ABAT: variants seen among roughly 807,000 people sequenced by gnomAD.
ABAT encodes 4-aminobutyrate aminotransferase, mitochondrial.
In ABAT, 45 loss-of-function variants were observed where a neutral mutation model predicts 64.6. That is an observed-to-expected ratio of 0.70 (90% confidence interval 0.55 to 0.89). The LOEUF is 0.89. ABAT is among the 40% of genes least tolerant of loss of function. ABAT has a pLI of 0.00. For missense variants in ABAT, 633 were observed against 658.4 expected (o/e 0.96, Z 0.42); for synonymous variants, 297 against 250.5 (o/e 1.19, Z -1.75).
At chr16:8,734,803 G>A (rs983434073) in intron 1 of ABAT, among the ~76,000 whole-genome samples, 1 of 152,012 alleles carries the variant, frequency 6.6e-6, no homozygotes, top group East Asian at 1.9e-4. Context: ...GACAGAAGGA[G>A]GCACACAAAA....
intron 1 of ABAT, among the ~76,000 whole-genome samples, chr16:8,679,914 C>A (rs1730952): frequency 0.59 from 89,039 of 151,818 alleles, 26,566 homozygotes; most frequent in East Asian, 0.77. Flanking sequence ...TCCTTGCTTT[C>A]TCTAGACACT....
rs373080930 is a variant in ABAT, at chr16:8,760,315, C to G, written c.366+2509C>G. The stretch of plus-strand genomic sequence containing the variant: ...TGACTCAGAGAGTAACATACTTATC[C>G]ACACATGACAAGGAACTTGATCCCA... On this transcript the variant is annotated intron_variant, in intron 6 of 15. Transcript: ENST00000268251. 4 of 152,316 alleles carry G rather than the reference C, an allele frequency of 2.6e-5. No homozygotes were observed. The South Asian group carries it at 8.3e-4, about 32-fold the overall frequency. The allele number at this position is 152,316 out of a possible 1,614,324, so 9.4% of individuals were successfully genotyped here. A position where few individuals can be genotyped will look rare whatever the true frequency, so the allele number is the denominator to read the frequency against.
At chr16:8,685,409 G>A (rs1478371203) in intron 1 of ABAT, among the ~76,000 whole-genome samples, 2 of 150,140 alleles carry the variant, frequency 1.3e-5, no homozygotes, top group South Asian at 2.1e-4. Flanking sequence ...GGTGGCTCTC[G>A]CCTGTAATCC....
chr16:8,730,294 G>A (rs746909191), intron 1 of ABAT, among the ~76,000 whole-genome samples: 10 of 152,056 alleles, frequency 6.6e-5, no homozygotes, highest in Admixed American at 2.0e-4. Context: ...TAGCACAAAT[G>A]CATCAATGGC....
At chr16:8,759,291 A>T (rs561171424) in intron 6 of ABAT, among the ~76,000 whole-genome samples, 10 of 152,206 alleles carry the variant, frequency 6.6e-5, no homozygotes, top group African/African-American at 2.4e-4. Context: ...ATGAAATTGA[A>T]ATAGAAAAAT....
intron 1 of ABAT, among the ~76,000 whole-genome samples, chr16:8,731,781 C>A (rs1352063765): frequency 6.6e-6 from 1 of 152,108 alleles, no homozygotes; most frequent in Non-Finnish European, 1.5e-5. Flanking sequence ...AACTGAAACT[C>A]CAAACACACT....
intron 12 of ABAT, 134 bp downstream of exon 12, chr16:8,773,051 CA>C (rs112721884): frequency 0.086 from 103,889 of 1,212,090 alleles, 6,663 homozygotes; most frequent in African/African-American, 0.28. Flanking sequence ...CTGTCAGCAT[CA>C]GGGGTGGAGA....
At chr16:8,739,775 A>G (rs1452704155) in intron 2 of ABAT, among the ~76,000 whole-genome samples, 3 of 151,884 alleles carry the variant, frequency 2.0e-5, no homozygotes, top group Non-Finnish European at 4.4e-5. Flanking sequence ...CAGAAAAAAT[A>G]GAAATGGCTA....
intron 1 of ABAT, among the ~76,000 whole-genome samples, chr16:8,683,822 T>C (rs35638621): frequency 0.59 from 88,961 of 151,564 alleles, 26,471 homozygotes; most frequent in East Asian, 0.77. Context: ...GCCTCCCTTT[T>C]GATGGCTTAT....
intron 1 of ABAT, among the ~76,000 whole-genome samples, chr16:8,712,014 G>C (rs963627784): frequency 6.7e-6 from 1 of 150,368 alleles, no homozygotes; most frequent in Admixed American, 6.7e-5. Context: ...TCGGGGGGGA[G>C]GGGCAGATCA....
intron 1 of ABAT, among the ~76,000 whole-genome samples, chr16:8,680,984 ATT>A (rs35351214): frequency 1.0e-4 from 15 of 145,574 alleles, no homozygotes; most frequent in Admixed American, 4.1e-4. Context: ...TTATTTATCT[ATT>A]TTTTTTTTTG....
intron 1 of ABAT, among the ~76,000 whole-genome samples, chr16:8,695,656 C>T (rs2057685951): frequency 6.6e-6 from 1 of 152,222 alleles, no homozygotes; most frequent in African/African-American, 2.4e-5. Flanking sequence ...AAGCCTAATC[C>T]ACCACAGGGC....
At position 8,781,270 on chromosome 16, in the gene ABAT, G is replaced by A. The variant is rs891198486; in HGVS notation, c.1382-39G>A. ...CCCAGCTCTCCCAGCATGTGACTTT[G>A]AGAAACCACGCTCCTCACCTACCTC... On this transcript the variant is annotated intron_variant, in intron 15 of 15. Transcript: ENST00000268251. This position sits in a 1 kb window ranked among gnomAD's most constrained non-coding sequence, Gnocchi z 4.5. 6.2e-6 allele frequency: 10 copies of A among 1,613,408 alleles called. No individual in the cohort carries two copies. Among genetic ancestry groups the A allele is most frequent in the Non-Finnish European group, 7.6e-6 (9 of 1,179,880 alleles).
At chr16:8,754,530 G>A (rs2059587625) in intron 5 of ABAT, among the ~76,000 whole-genome samples, 1 of 152,072 alleles carries the variant, frequency 6.6e-6, no homozygotes, top group Non-Finnish European at 1.5e-5. Flanking sequence ...ACCTTGTGGT[G>A]GAAATTCAGG....
chr16:8,725,678 T>C (rs540428846), intron 1 of ABAT, among the ~76,000 whole-genome samples: 1 of 152,342 alleles, frequency 6.6e-6, no homozygotes, highest in South Asian at 2.1e-4. Flanking sequence ...CTGCTATGTG[T>C]ATTTGTTTGA....
At chr16:8,714,506 T>C (rs1236774944) in intron 1 of ABAT, 1 of 152,234 alleles carries the variant, frequency 6.6e-6, no homozygotes. Flanking sequence ...TAGAAGTTCA[T>C]TTTGAATTTT....
At chr16:8,704,925 A>G (rs1306713244) in intron 1 of ABAT, among the ~76,000 whole-genome samples, 1 of 152,074 alleles carries the variant, frequency 6.6e-6, no homozygotes, top group Non-Finnish European at 1.5e-5. Flanking sequence ...GCCTCAAGCA[A>G]TCCTCCCACC....
At chr16:8,721,701 C>T (rs1347940029) in intron 1 of ABAT, among the ~76,000 whole-genome samples, 1 of 152,184 alleles carries the variant, frequency 6.6e-6, no homozygotes, top group African/African-American at 2.4e-5. Context: ...ATTCTTTCTC[C>T]AGAGCAAATT....
intron 14 of ABAT, among the ~76,000 whole-genome samples, chr16:8,778,782 AAAAAAAC>A (rs1005572499): frequency 5.9e-5 from 9 of 152,046 alleles, no homozygotes; most frequent in Admixed American, 2.0e-4. Flanking sequence ...ATCTCAAAAA[AAAAAAAC>A]AAAAAACAAA....
Sources: gnomAD v4.1 joint callset for allele counts (sites outside exome capture counted in the v4.1 genomes callset) on GRCh38, gnomAD v4.1.1 for gene constraint, Gnocchi (gnomAD v3.1) non-coding constraint, MANE v1.5 for transcripts, NCBI Gene and HGNC (gene_info 2026-07-23, HGNC 2026-07-21) for gene names.